Variants in PROS1 observed in about 807,000 individuals in gnomAD.
PROS1 encodes the protein protein S, also known as vitamin K-dependent protein S.
Under a neutral mutation model 75.9 loss-of-function variants are expected in PROS1, and 29 were observed. The ratio of observed to expected loss-of-function variants is 0.38; its 90% CI spans 0.28 to 0.52. PROS1 has a LOEUF of 0.52. Among genes scored for constraint, PROS1 ranks in the 20% least tolerant of loss-of-function variants. PROS1 has a pLI of 0.83. For missense variants in PROS1, 680 were observed against 810.3 expected, an observed-to-expected ratio of 0.84 and a Z score of 1.95; for synonymous variants, 245 against 280.6, an observed-to-expected ratio of 0.87 and a Z score of 1.27.
In PROS1 at chr3:93,892,985, G is replaced by A. The variant is rs765038390; in HGVS notation, c.1103C>T (p.Thr368Ile). Reference protein sequence around the residue: ...KIEVQLKNEHTSKITTGGDVI... With the variant: ...KIEVQLKNEHISKITTGGDVI... ...ATCACCTCCAGTTGTGATTTTGGAT[G>A]TATGTTCATTCTTAAGCTGAACTTC... The change falls in exon 10 of 15, where the codon ACA (threonine) becomes ATA (isoleucine). Residue 368 changes from threonine (T) to isoleucine (I), a missense_variant. Coordinates refer to ENST00000394236, the MANE Select transcript of PROS1 (RefSeq NM_000313.4). The A allele has an allele frequency of 1.2e-6, 2 of 1,613,134 alleles. No individual in the cohort carries two copies. Among genetic ancestry groups the A allele is most frequent in the African/African-American group, 1.3e-5 (1 of 75,018 alleles).
At position 93,893,084 on chromosome 3, in the gene PROS1, T is replaced by C. The variant is rs1380352292; in HGVS notation, c.1004A>G (p.Glu335Gly). 1 of 1,614,050 alleles carries C rather than the reference T, an allele frequency of 6.2e-7. No homozygotes were observed. Among genetic ancestry groups the C allele is most frequent in the South Asian group, 1.1e-5 (1 of 91,076 alleles). The stretch of plus-strand genomic sequence containing the variant: ...AGATTCTGCGTACAGTATCACGCCT[T>C]CTGAATCATATGTCCGGAAATCAAA... Reference protein sequence around the residue: ...AEFDFRTYDSEGVILYAESID... With the variant: ...AEFDFRTYDSGGVILYAESID... The change falls in exon 10 of 15, where the codon GAA (glutamate) becomes GGA (glycine). Residue 335 changes from glutamate to glycine, a missense_variant. By Grantham distance (98) the Glu-to-Gly change is moderately conservative (BLOSUM62 -2). Coordinates refer to ENST00000394236, the MANE Select transcript of PROS1 (RefSeq NM_000313.4).
chr3:93,946,111 C>G (rs549956101), intron 1 of PROS1, among the ~76,000 whole-genome samples: 1 of 151,934 alleles, frequency 6.6e-6, no homozygotes, highest in African/African-American at 2.4e-5. Flanking sequence ...ATGTGAAGGA[C>G]CTCTTCAAGG....
intron 8 of PROS1, among the ~76,000 whole-genome samples, chr3:93,897,282 T>G (rs1251187724): frequency 1.3e-5 from 2 of 152,122 alleles, no homozygotes; most frequent in African/African-American, 4.8e-5. Context: ...TCATCACATA[T>G]GGTATCAAGT....
intron 1 of PROS1, among the ~76,000 whole-genome samples, chr3:93,952,216 C>T (rs964157379): frequency 6.6e-6 from 1 of 152,170 alleles, no homozygotes; most frequent in Non-Finnish European, 1.5e-5. Context: ...CTCAGCTCTG[C>T]ACCAAGAGGA....
chr3:93,879,088 G>T lies in PROS1; in HGVS notation c.1644+75C>A, dbSNP rs1361725099. The T allele has an allele frequency of 7.3e-6, 10 of 1,374,356 alleles. No individual in the cohort carries two copies. The East Asian group carries it at 2.3e-4, about 31-fold the overall frequency. The allele number at this position is 1,374,356 out of a possible 1,614,324, so 85.1% of individuals were successfully genotyped here. On this transcript the variant is annotated intron_variant, in intron 13 of 14. Coordinates refer to ENST00000394236, the MANE Select transcript of PROS1 (RefSeq NM_000313.4). ...TTTAATCTTCAAAATAGTCCTTTGA[G>T]GTAAATACTGCTATGTATACATTTT...
chr3:93,885,062 C>T (rs1292721343), intron 11 of PROS1, among the ~76,000 whole-genome samples, 166 bp from the exon 12 acceptor site: 15 of 152,124 alleles, frequency 9.9e-5, no homozygotes, highest in Non-Finnish European at 4.4e-5. Flanking sequence ...TTCAGATGGA[C>T]AGTCTTTTTC....
At chr3:93,917,853 A>G (rs1204376875) in intron 3 of PROS1, among the ~76,000 whole-genome samples, 2 of 152,060 alleles carry the variant, frequency 1.3e-5, no homozygotes, top group Non-Finnish European at 2.9e-5. Flanking sequence ...GCAGCCCACC[A>G]TGCCTGAGCC....
intron 2 of PROS1, among the ~76,000 whole-genome samples, chr3:93,925,749 G>C (rs1029941631): frequency 1.3e-5 from 2 of 151,430 alleles, no homozygotes; most frequent in African/African-American, 2.4e-5. Flanking sequence ...GCCTGAGCGG[G>C]GGGGTCAGGG....
chr3:93,920,395 T>A (rs1456928160), intron 3 of PROS1, among the ~76,000 whole-genome samples: 15 of 152,200 alleles, frequency 9.9e-5, no homozygotes, highest in Admixed American at 5.9e-4. Flanking sequence ...GGTTTTTATG[T>A]GTTCTTAAGA....
intron 1 of PROS1, among the ~76,000 whole-genome samples, chr3:93,938,472 C>G (rs890558864): frequency 6.6e-6 from 1 of 152,090 alleles, no homozygotes; most frequent in African/African-American, 2.4e-5. Flanking sequence ...GACAGGAGGA[C>G]TCCTTCCAGA....
intron 12 of PROS1, among the ~76,000 whole-genome samples, chr3:93,881,656 C>A (rs1287420932): frequency 6.9e-6 from 1 of 144,272 alleles, no homozygotes; most frequent in East Asian, 2.1e-4. Context: ...ACATATTGGG[C>A]TCAAGCCATC....
intron 1 of PROS1, among the ~76,000 whole-genome samples, chr3:93,938,051 T>C (rs1709214957): frequency 6.6e-6 from 1 of 152,134 alleles, no homozygotes; most frequent in Non-Finnish European, 1.5e-5. Flanking sequence ...GTACATGAAG[T>C]AATTGTCAGG....
At chr3:93,973,488 T>C in intron 1 of PROS1, 186 bp downstream of exon 1, 1 of 646,868 alleles carries the variant, frequency 1.5e-6, no homozygotes. Flanking sequence ...GTGCAAATAG[T>C]GATCCTGCCC....
intron 10 of PROS1, 62 bp from the exon 11 acceptor site, chr3:93,886,565 G>A (rs1708352663): frequency 8.7e-6 from 11 of 1,259,552 alleles, no homozygotes; most frequent in Non-Finnish European, 1.3e-5. Context: ...TTGAAATACT[G>A]GGATCTAAAA....
chr3:93,888,349 TGTTATA>T lies in PROS1; in HGVS notation c.1156-1852_1156-1847del, dbSNP rs763463576. On this transcript the variant is annotated intron_variant, in intron 10 of 14. Transcript: ENST00000394236. ...ATGCATAGAAGCAAGCTTTGACAAG[TGTTATA>T]GTTATAGTTGACTACGTATATATTG... Among the ~76,000 whole-genome samples, 28 of 152,306 alleles carry T rather than the reference TGTTATA, an allele frequency of 1.8e-4. No homozygotes were observed. The South Asian group carries it at 4.8e-3, about 26-fold the overall frequency.
chr3:93,911,011 GT>G (rs1376024387), intron 3 of PROS1: 3 of 330,860 alleles, frequency 9.1e-6, no homozygotes, highest in African/African-American at 6.5e-5. Context: ...TGTCATATAA[GT>G]CTATGTTTTT....
At chr3:93,924,740 G>A (rs1708991947) in intron 2 of PROS1, among the ~76,000 whole-genome samples, 1 of 149,092 alleles carries the variant, frequency 6.7e-6, no homozygotes, top group African/African-American at 2.5e-5. Context: ...ATGACTCACT[G>A]CAGCCTTACC....
At position 93,924,655 on chromosome 3, in the gene PROS1, C is replaced by T. The variant is rs114236861; in HGVS notation, c.235-391G>A. On this transcript the variant is annotated intron_variant, in intron 2 of 14. Coordinates refer to ENST00000394236, the MANE Select transcript of PROS1 (RefSeq NM_000313.4). ...CAGATTCAATGTTGAATCACAGTAA[C>T]GTACTCTCTTTTTTTTTTTTTTTTT... is the stretch of plus-strand genomic sequence containing the variant. Among the ~76,000 whole-genome samples the T allele has an allele frequency of 4.8e-3, 723 of 150,404 alleles. 5 individuals carry two copies. Among genetic ancestry groups the T allele is most frequent in the African/African-American group, 0.016 (667 of 40,940 alleles).
chr3:93,912,634 G>A (rs910951268), intron 3 of PROS1, among the ~76,000 whole-genome samples: 9 of 152,132 alleles, frequency 5.9e-5, no homozygotes, highest in African/African-American at 1.9e-4. Flanking sequence ...ATTAAAGAAA[G>A]AAATTTACTT....
Sources: allele counts gnomAD v4.1 joint callset (sites outside exome capture counted in the v4.1 genomes callset), GRCh38; gene constraint gnomAD v4.1.1; transcripts MANE v1.5; gene names NCBI Gene and HGNC (gene_info 2026-07-23, HGNC 2026-07-21).